The following SCARA5 variants were observed in gnomAD, a reference collection of about 807,000 sequenced individuals.
SCARA5 encodes scavenger receptor class A member 5, also known as scavenger receptor class A, member 5 (putative).
SCARA5 carries 45 observed loss-of-function variants against 46.3 expected under a neutral mutation model. That is an observed-to-expected ratio of 0.97 (90% CI 0.76 to 1.24). The LOEUF (loss-of-function observed/expected upper bound fraction) is 1.24. SCARA5 is among the 50% of genes most tolerant of loss of function. The pLI is 0.00. For missense variants in SCARA5, 680 were observed against 689.0 expected, an observed-to-expected ratio of 0.99 and a Z score of 0.15; for synonymous variants, 333 against 306.5, an observed-to-expected ratio of 1.09 and a Z score of -0.90.
chr8:27,974,834 G>T (rs1021410865), intron 2 of SCARA5, among the ~76,000 whole-genome samples: 2 of 151,746 alleles, frequency 1.3e-5, no homozygotes, highest in Non-Finnish European at 2.9e-5. Context: ...CGGACCCAGG[G>T]AAACAAGTCT....
chr8:27,958,185 G>A (rs1808235102), intron 3 of SCARA5, among the ~76,000 whole-genome samples: 1 of 152,208 alleles, frequency 6.6e-6, no homozygotes, highest in African/African-American at 2.4e-5. Context: ...CAGTGTTTCA[G>A]CTGTCTCTGC....
chr8:27,948,214 G>T (rs1585507443), intron 3 of SCARA5, among the ~76,000 whole-genome samples: 2 of 152,290 alleles, frequency 1.3e-5, no homozygotes, highest in East Asian at 3.9e-4. Flanking sequence ...GTGGAGGACA[G>T]ATTTGGCCTC....
At chr8:27,892,664 C>T (rs1169525381) in intron 7 of SCARA5, among the ~76,000 whole-genome samples, 3 of 140,550 alleles carry the variant, frequency 2.1e-5, no homozygotes, top group Non-Finnish European at 4.5e-5. Context: ...GGCTGGAGTG[C>T]AGTGGTGCGA....
chr8:27,907,275 C>G (rs748104361), intron 5 of SCARA5, 29 bp from the exon 6 acceptor site: 2 of 1,544,128 alleles, frequency 1.3e-6, no homozygotes, highest in Non-Finnish European at 1.8e-6. Flanking sequence ...AATGGCAGAG[C>G]CTCAGATGCA....
chr8:27,904,585 G>T, intron 7 of SCARA5, 193 bp downstream of exon 7: 1 of 665,408 alleles, frequency 1.5e-6, no homozygotes. Flanking sequence ...CTAGAAATGT[G>T]GCCAGTGCCC....
At chr8:27,983,602 C>A (rs1187615886) in intron 2 of SCARA5, among the ~76,000 whole-genome samples, 1 of 152,200 alleles carries the variant, frequency 6.6e-6, no homozygotes, top group Non-Finnish European at 1.5e-5. Flanking sequence ...TACCAACAAT[C>A]ACAAAGACTT....
chr8:27,959,464 A>G (rs377749179), intron 3 of SCARA5, among the ~76,000 whole-genome samples: 2 of 152,102 alleles, frequency 1.3e-5, no homozygotes, highest in African/African-American at 2.4e-5. Flanking sequence ...AGGCAGTGGG[A>G]GGACAGCTGT....
At chr8:27,906,636 A>G (rs1309329055) in intron 6 of SCARA5, among the ~76,000 whole-genome samples, 5 of 152,212 alleles carry the variant, frequency 3.3e-5, no homozygotes, top group African/African-American at 7.2e-5. Context: ...TTGCACACAT[A>G]CGTGCTTGCT....
intron 3 of SCARA5, among the ~76,000 whole-genome samples, chr8:27,928,822 C>T (rs1390604622): frequency 7.9e-5 from 12 of 152,044 alleles, no homozygotes; most frequent in Admixed American, 7.9e-4. Flanking sequence ...CCCACCACCA[C>T]ACCCGGCTAG....
In SCARA5 at chr8:27,907,238, C is replaced by T. The variant is rs1022398722; in HGVS notation, c.1006G>A (p.Gly336Arg). The T allele has an allele frequency of 9.9e-6, 16 of 1,612,486 alleles. No homozygotes were observed. Among genetic ancestry groups the T allele is most frequent in the East Asian group, 4.5e-5 (2 of 44,824 alleles). The change falls in exon 6 of 9, where the codon GGG becomes AGG. Residue 336 changes from glycine to arginine, a missense_variant. Coordinates refer to ENST00000354914, the MANE Select transcript of SCARA5 (RefSeq NM_173833.6). ...GGCAATCCTGGGGTACCTCTCTCCC[C>T]GGGCAGACCTGGGGAGAAAACAGAC... ...PGLPGLRGLP[G>R]ERGTPGLPGP...
At chr8:27,877,720 C>T (rs1806747213) in intron 8 of SCARA5, among the ~76,000 whole-genome samples, 1 of 152,172 alleles carries the variant, frequency 6.6e-6, no homozygotes, top group Admixed American at 6.5e-5. Context: ...GGTGGGAGAA[C>T]AGTATTCTTT....
At chr8:27,958,806 C>A (rs1808245901) in intron 3 of SCARA5, among the ~76,000 whole-genome samples, 1 of 152,172 alleles carries the variant, frequency 6.6e-6, no homozygotes, top group African/African-American at 2.4e-5. Flanking sequence ...GGGGGAGCAC[C>A]TACTAGGCAA....
intron 2 of SCARA5, among the ~76,000 whole-genome samples, chr8:27,970,484 C>CAGAAGTTGCCACCCTTTTTCT: frequency 6.6e-6 from 1 of 152,174 alleles, no homozygotes; most frequent in Non-Finnish European, 1.5e-5. Flanking sequence ...CCTGACAACC[C>CAGAAGTTGCCACCCTTTTTCT]AGAAGTTGCC....
At chr8:27,972,984 T>C (rs1377123195) in intron 2 of SCARA5, among the ~76,000 whole-genome samples, 1 of 152,166 alleles carries the variant, frequency 6.6e-6, no homozygotes, top group African/African-American at 2.4e-5. Context: ...TCTCTTTACC[T>C]CTCTGGCGAC....
chr8:27,932,549 G>A (rs550002912), intron 3 of SCARA5, among the ~76,000 whole-genome samples: 2 of 152,264 alleles, frequency 1.3e-5, no homozygotes, highest in South Asian at 4.2e-4. Flanking sequence ...TGTCTCCTGA[G>A]GCCTCTCCTC....
chr8:27,964,713 C>G (rs1046720128), intron 3 of SCARA5, among the ~76,000 whole-genome samples: 2 of 152,022 alleles, frequency 1.3e-5, no homozygotes, highest in Non-Finnish European at 2.9e-5. Flanking sequence ...AGAAGAGAAC[C>G]GTCACTCCAC....
At chr8:27,876,715 GC>G (rs1165448654) in intron 8 of SCARA5, among the ~76,000 whole-genome samples, 1 of 152,146 alleles carries the variant, frequency 6.6e-6, no homozygotes, top group Non-Finnish European at 1.5e-5. Context: ...GGTGACTGAA[GC>G]CCCAGGTGTG....
At chr8:27,885,464 A>G (rs1320893639) in intron 7 of SCARA5, among the ~76,000 whole-genome samples, 1 of 152,164 alleles carries the variant, frequency 6.6e-6, no homozygotes, top group East Asian at 1.9e-4. Flanking sequence ...CCTTCTGAGG[A>G]TCACGTGACC....
intron 6 of SCARA5, among the ~76,000 whole-genome samples, chr8:27,905,652 G>T (rs576451423): frequency 2.6e-5 from 4 of 151,128 alleles, no homozygotes; most frequent in Non-Finnish European, 4.4e-5. Context: ...GAACTGAGGG[G>T]TGGAGACTTT....
Sources: gnomAD v4.1 joint callset for allele counts (sites outside exome capture counted in the v4.1 genomes callset) on GRCh38, gnomAD v4.1.1 for gene constraint, MANE v1.5 for transcripts, NCBI Gene and HGNC (gene_info 2026-07-23, HGNC 2026-07-21) for gene names.